The following HSD17B12 variants were observed in gnomAD, a reference collection of about 807,000 sequenced individuals.
The protein encoded by HSD17B12 is very-long-chain 3-oxoacyl-CoA reductase.
A neutral mutation model predicts 39.3 loss-of-function variants in HSD17B12; 32 were observed. The observed-to-expected ratio is 0.81, with a 90% CI of 0.61 to 1.09. HSD17B12 has a LOEUF of 1.09. Ranked by LOEUF, HSD17B12 falls within the 50% of genes least tolerant of loss-of-function variation. The probability of loss-of-function intolerance (pLI) is 0.00; values close to 1 mark genes in which losing one functional copy is unlikely to be tolerated. For synonymous variants in HSD17B12, 150 were observed against 146.7 expected (o/e 1.02, Z -0.16); for missense variants, 342 against 382.9 (o/e 0.89, Z 0.89).
chr11:43,577,984 G>T, the HSD17B12 span, among the ~76,000 whole-genome samples: 1 of 152,186 alleles, frequency 6.6e-6, no homozygotes, highest in Admixed American at 6.5e-5. Context: ...CGAATCTGTG[G>T]CCAGACAGGT....
the HSD17B12 span, among the ~76,000 whole-genome samples, chr11:43,592,793 G>A: frequency 6.6e-6 from 1 of 151,922 alleles, no homozygotes; most frequent in Non-Finnish European, 1.5e-5. Flanking sequence ...AGGTTTTCTG[G>A]TAGTCTGGAA....
At chr11:43,562,662 T>C in the HSD17B12 span, among the ~76,000 whole-genome samples, 2 of 152,230 alleles carry the variant, frequency 1.3e-5, no homozygotes, top group African/African-American at 4.8e-5. Flanking sequence ...CATATGCTTT[T>C]TCTTGCTTGG....
At chr11:43,681,094 C>T (rs1303403961) in intron 1 of HSD17B12, 107 bp downstream of exon 1, 2 of 1,426,168 alleles carry the variant, frequency 1.4e-6, no homozygotes, top group African/African-American at 1.5e-5. Context: ...CTCCCCAGCT[C>T]TCCTCTTTCT....
chr11:43,733,689 A>G (rs981633247), intron 1 of HSD17B12: 52 of 492,054 alleles, frequency 1.1e-4, no homozygotes, highest in East Asian at 7.1e-4. Context: ...TTTTAAAAAA[A>G]GGGGTTTAGG....
chr11:43,715,488 G>A (rs926375047), intron 1 of HSD17B12, among the ~76,000 whole-genome samples: 4 of 152,126 alleles, frequency 2.6e-5, no homozygotes, highest in African/African-American at 9.7e-5. Context: ...CTTGATCATG[G>A]TAGATAAGCT....
At chr11:43,624,182 T>C in the HSD17B12 span, among the ~76,000 whole-genome samples, 1 of 152,000 alleles carries the variant, frequency 6.6e-6, no homozygotes, top group Non-Finnish European at 1.5e-5. Context: ...GGCCATAGGA[T>C]TTGAGTCAGG....
chr11:43,695,809 G>A (rs1018104546), intron 1 of HSD17B12, among the ~76,000 whole-genome samples: 10 of 151,836 alleles, frequency 6.6e-5, no homozygotes, highest in African/African-American at 2.4e-4. Flanking sequence ...AGTCAGATTG[G>A]GTCATTCCTT....
chr11:43,557,345 A>G, the HSD17B12 span, among the ~76,000 whole-genome samples: 5 of 152,144 alleles, frequency 3.3e-5, no homozygotes, highest in African/African-American at 1.2e-4. Flanking sequence ...AATTCTTGTA[A>G]TTATTTTGCA....
chr11:43,691,134 G>C (rs2134782097), intron 1 of HSD17B12, among the ~76,000 whole-genome samples: 1 of 152,248 alleles, frequency 6.6e-6, no homozygotes, highest in East Asian at 1.9e-4. Flanking sequence ...TCATCGTCTT[G>C]CTAGTCATGA....
chr11:43,664,918 T>C, the HSD17B12 span, among the ~76,000 whole-genome samples: 1 of 152,204 alleles, frequency 6.6e-6, no homozygotes, highest in Non-Finnish European at 1.5e-5. Flanking sequence ...ATTTAAAAGA[T>C]TAAAATGTCT....
intron 6 of HSD17B12, among the ~76,000 whole-genome samples, chr11:43,823,351 A>G (rs1951201171): frequency 6.6e-6 from 1 of 152,074 alleles, no homozygotes; most frequent in Non-Finnish European, 1.5e-5. Context: ...GCTCACTGTA[A>G]CGTCAAACTA....
intron 1 of HSD17B12, among the ~76,000 whole-genome samples, chr11:43,698,153 T>C (rs1590669418): frequency 6.6e-6 from 1 of 152,080 alleles, no homozygotes; most frequent in African/African-American, 2.4e-5. Context: ...CATAAACTTA[T>C]GATTGTGGGG....
chr11:43,730,970 T>A (rs1356724209), intron 1 of HSD17B12, among the ~76,000 whole-genome samples: 1 of 152,042 alleles, frequency 6.6e-6, no homozygotes, highest in Non-Finnish European at 1.5e-5. Flanking sequence ...TTTGGAGAAT[T>A]TGCCCACTTC....
intron 3 of HSD17B12, among the ~76,000 whole-genome samples, chr11:43,784,330 A>ATTG (rs1485931618): frequency 6.8e-6 from 1 of 147,774 alleles, no homozygotes; most frequent in Non-Finnish European, 1.5e-5. Flanking sequence ...TATTATTATT[A>ATTG]TTATTATTAT....
chr11:43,798,268 C>A (rs1006067061), intron 3 of HSD17B12, 52 bp from the exon 4 acceptor site: 1 of 1,013,878 alleles, frequency 9.9e-7, no homozygotes, highest in Non-Finnish European at 1.6e-6. Flanking sequence ...ATCTTCACTG[C>A]CATGTACTAA....
At chr11:43,754,828 G>A in intron 3 of HSD17B12, 1 of 755,486 alleles carries the variant, frequency 1.3e-6, no homozygotes, top group South Asian at 1.4e-5. Context: ...AGAAAAGATA[G>A]CAATACCCAT....
chr11:43,659,417 C>G, the HSD17B12 span, among the ~76,000 whole-genome samples: 4 of 152,318 alleles, frequency 2.6e-5, no homozygotes, highest in Non-Finnish European at 5.9e-5. Context: ...CACTGTCTGG[C>G]ACTCCCCAGT....
In HSD17B12 at chr11:43,690,378, ATATATATATATATATATATATATATAT is replaced by A. The variant is rs1565049573; in HGVS notation, c.160+9393_160+9419del. 2.7e-4 allele frequency among the ~76,000 whole-genome samples: 2 copies of A among 7,382 alleles called. 1 individual carries two copies. The highest frequency in any genetic ancestry group is 0.011 in the South Asian group (2 of 190). 4.8% of individuals were successfully genotyped at this position (7,382 alleles called of 152,430 possible). On this transcript the variant is annotated intron_variant, in intron 1 of 10. Transcript: ENST00000278353. ...TATTCATACATATATATATATATAT[ATATATATATATATATATATATATATAT>A]TTTTTTTTTTTTTTTTCTGAGACAG...
intron 2 of HSD17B12, among the ~76,000 whole-genome samples, chr11:43,753,077 T>C (rs1181722450): frequency 6.6e-6 from 1 of 152,186 alleles, no homozygotes; most frequent in African/African-American, 2.4e-5. Context: ...TAAATAGTTT[T>C]GTGCAGATTA....
Sources: gnomAD v4.1 joint callset for allele counts (sites outside exome capture counted in the v4.1 genomes callset) on GRCh38, gnomAD v4.1.1 for gene constraint, MANE v1.5 for transcripts, NCBI Gene and HGNC (gene_info 2026-07-23, HGNC 2026-07-21) for gene names.